NXPE4: variants seen among roughly 807,000 people sequenced by gnomAD.
NXPE4 encodes the protein NXPE family member 4.
In NXPE4, 42 loss-of-function variants were observed where a neutral mutation model predicts 33.3. That is an observed-to-expected ratio of 1.26 (90% confidence interval 0.98 to 1.63). The LOEUF is 1.63. Among genes scored for constraint, NXPE4 ranks in the 40% most tolerant of loss-of-function variants. The pLI is 0.00. For missense variants in NXPE4, 709 were observed against 647.6 expected (o/e 1.09, Z -1.03); for synonymous variants, 253 against 234.9 (o/e 1.08, Z -0.71).
At chr11:114,588,798 A>T (rs929840475) in intron 2 of NXPE4, among the ~76,000 whole-genome samples, 4 of 152,204 alleles carry the variant, frequency 2.6e-5, no homozygotes, top group Admixed American at 6.5e-5. Flanking sequence ...TGAAAGAAGC[A>T]CTAATAAAAC....
At chr11:114,665,191 T>C in the NXPE4 span, among the ~76,000 whole-genome samples, 1 of 152,154 alleles carries the variant, frequency 6.6e-6, no homozygotes, top group Non-Finnish European at 1.5e-5. Flanking sequence ...CTTAGCAAAA[T>C]ACAGAAAGTA....
upstream of NXPE4, among the ~76,000 whole-genome samples, chr11:114,598,250 G>T (rs1023750471): frequency 6.6e-6 from 1 of 152,256 alleles, no homozygotes; most frequent in East Asian, 1.9e-4. Flanking sequence ...AACGCAAGGG[G>T]TGGGCTCCCA....
At chr11:114,606,596 G>A in the NXPE4 span, among the ~76,000 whole-genome samples, 8 of 151,964 alleles carry the variant, frequency 5.3e-5, no homozygotes, top group African/African-American at 1.5e-4. Context: ...TTTCCTTGTG[G>A]GTAACCACTG....
At chr11:114,578,715 A>G (rs1442692437) in intron 5 of NXPE4, among the ~76,000 whole-genome samples, 1 of 152,158 alleles carries the variant, frequency 6.6e-6, no homozygotes, top group East Asian at 1.9e-4. Flanking sequence ...GGGGTCATAG[A>G]GGGGTAGACA....
the NXPE4 span, among the ~76,000 whole-genome samples, chr11:114,632,607 A>G: frequency 9.7e-6 from 1 of 103,532 alleles, no homozygotes; most frequent in African/African-American, 3.9e-5. Context: ...GTATATATTT[A>G]TATTTTATAT....
the NXPE4 span, among the ~76,000 whole-genome samples, chr11:114,651,836 A>G: frequency 6.6e-6 from 1 of 152,188 alleles, no homozygotes; most frequent in Non-Finnish European, 1.5e-5. Context: ...CTTTAGCTAG[A>G]CAGAAAAGTT....
the NXPE4 span, among the ~76,000 whole-genome samples, chr11:114,639,260 A>T: frequency 6.6e-6 from 1 of 151,642 alleles, no homozygotes; most frequent in Non-Finnish European, 1.5e-5. Flanking sequence ...TGGGCATAGG[A>T]CCCTCCGAGC....
the NXPE4 span, among the ~76,000 whole-genome samples, chr11:114,611,491 GATA>G: frequency 6.6e-6 from 1 of 151,952 alleles, no homozygotes; most frequent in Admixed American, 6.6e-5. Context: ...TTACCCTGTG[GATA>G]ATAAGTATTG....
chr11:114,655,781 G>A, the NXPE4 span, among the ~76,000 whole-genome samples: 1 of 152,078 alleles, frequency 6.6e-6, no homozygotes, highest in African/African-American at 2.4e-5. Flanking sequence ...AACAAACTAG[G>A]TATTGATGGA....
At chr11:114,636,248 C>T in the NXPE4 span, among the ~76,000 whole-genome samples, 23 of 152,000 alleles carry the variant, frequency 1.5e-4, no homozygotes, top group Non-Finnish European at 3.1e-4. Context: ...AGTTTATTTG[C>T]GTAGAGGTGT....
the NXPE4 span, among the ~76,000 whole-genome samples, chr11:114,624,277 G>A: frequency 5.3e-4 from 81 of 151,820 alleles, no homozygotes; most frequent in East Asian, 2.1e-3. Flanking sequence ...ATATTGCCTC[G>A]TGAGTAACCA....
At chr11:114,666,209 A>G in the NXPE4 span, among the ~76,000 whole-genome samples, 1 of 152,106 alleles carries the variant, frequency 6.6e-6, no homozygotes, top group African/African-American at 2.4e-5. Flanking sequence ...AAAGCTATAT[A>G]CCTTTGCTAC....
chr11:114,592,555 T>C (rs540249331), intron 2 of NXPE4, among the ~76,000 whole-genome samples: 1 of 151,808 alleles, frequency 6.6e-6, no homozygotes, highest in Admixed American at 6.6e-5. Context: ...ACAAAATAGA[T>C]ATTCCATGTT....
the NXPE4 span, among the ~76,000 whole-genome samples, chr11:114,677,250 T>A: frequency 3.9e-5 from 6 of 152,042 alleles, no homozygotes; most frequent in East Asian, 5.8e-4. Context: ...ACTTGAAAAT[T>A]GCAAAGAGAC....
chr11:114,593,677 T>C (rs898592543), intron 2 of NXPE4, among the ~76,000 whole-genome samples: 1 of 152,130 alleles, frequency 6.6e-6, no homozygotes, highest in Non-Finnish European at 1.5e-5. Flanking sequence ...GCTAGGTATA[T>C]ACCCAAAATA....
the NXPE4 span, among the ~76,000 whole-genome samples, chr11:114,650,564 AG>A: frequency 6.6e-6 from 1 of 151,622 alleles, no homozygotes; most frequent in African/African-American, 2.4e-5. Context: ...CTCCTTCCCC[AG>A]GAAGTGAGAA....
chr11:114,608,861 C>G, the NXPE4 span, among the ~76,000 whole-genome samples: 2 of 151,714 alleles, frequency 1.3e-5, no homozygotes, highest in African/African-American at 4.8e-5. Context: ...TTGTGGGTAA[C>G]CACTCTTACC....
the NXPE4 span, among the ~76,000 whole-genome samples, chr11:114,637,825 A>G: frequency 1.3e-5 from 2 of 152,018 alleles, no homozygotes; most frequent in African/African-American, 4.8e-5. Flanking sequence ...GTTTCTGCCA[A>G]GAGATCTGCT....
chr11:114,610,637 A>T, the NXPE4 span, among the ~76,000 whole-genome samples: 1 of 141,116 alleles, frequency 7.1e-6, no homozygotes. Context: ...GTGTTGCCTC[A>T]TGGGTAACCA....
Sources: allele counts gnomAD v4.1 joint callset (sites outside exome capture counted in the v4.1 genomes callset), GRCh38; gene constraint gnomAD v4.1.1; transcripts MANE v1.5; gene names NCBI Gene and HGNC (gene_info 2026-07-23, HGNC 2026-07-21).